The following TAF6L variants were observed in gnomAD, a reference collection of about 807,000 sequenced individuals.
The protein encoded by TAF6L is TAF6-like RNA polymerase II p300/CBP-associated factor-associated factor 65 kDa subunit 6L.
A neutral mutation model predicts 57.3 loss-of-function variants in TAF6L; 34 were observed. The observed-to-expected ratio is 0.59, with a 90% CI of 0.45 to 0.79. The LOEUF (loss-of-function observed/expected upper bound fraction) is 0.79. Ranked by LOEUF, TAF6L falls within the 30% of genes least tolerant of loss-of-function variation. The probability of loss-of-function intolerance (pLI) is 0.00; values close to 1 mark genes in which losing one functional copy is unlikely to be tolerated. For synonymous variants in TAF6L, 417 were observed against 376.3 expected, an observed-to-expected ratio of 1.11 and a Z score of -1.25; for missense variants, 782 against 853.2, an observed-to-expected ratio of 0.92 and a Z score of 1.04.
intron 6 of TAF6L, among the ~76,000 whole-genome samples, chr11:62,781,214 C>G (rs184704033): frequency 6.7e-6 from 1 of 148,868 alleles, no homozygotes; most frequent in African/African-American, 2.5e-5. Context: ...CCAGCCTGGG[C>G]GACAGGGCGA....
chr11:62,784,806 T>C (rs2084258222), intron 9 of TAF6L, among the ~76,000 whole-genome samples: 1 of 152,218 alleles, frequency 6.6e-6, no homozygotes, highest in Non-Finnish European at 1.5e-5. Flanking sequence ...AAAGCTTTTA[T>C]TGGACTGTAA....
chr11:62,783,372 C>T (rs959153171), intron 9 of TAF6L, among the ~76,000 whole-genome samples: 1 of 151,834 alleles, frequency 6.6e-6, no homozygotes, highest in African/African-American at 2.4e-5. Context: ...GTCCCAGCTA[C>T]TCGGGAGGCT....
rs549862357 is a variant in TAF6L, at chr11:62,776,601, A to G, written c.234+131A>G. Reference sequence around the variant, plus strand: ...CATGGTGGCTCATGCCTGTAATCCCAGCACTTTGGGAGGCCGAGGTGGGCG... The same window carrying G: ...CATGGTGGCTCATGCCTGTAATCCCGGCACTTTGGGAGGCCGAGGTGGGCG... On this transcript the variant is annotated intron_variant, in intron 3 of 10. Coordinates refer to ENST00000294168, the MANE Select transcript of TAF6L (RefSeq NM_006473.4). 37 of 887,322 alleles carry G rather than the reference A, an allele frequency of 4.2e-5. No homozygotes were observed. In the East Asian group the frequency reaches 1.1e-3, roughly 27 times the overall value. The allele number at this position is 887,322 out of a possible 1,614,324, so 55.0% of individuals were successfully genotyped here.
chr11:62,783,062 A>G (rs1037072581), intron 9 of TAF6L, among the ~76,000 whole-genome samples: 4 of 152,314 alleles, frequency 2.6e-5, no homozygotes, highest in Middle Eastern at 3.4e-3. Flanking sequence ...TGCCCGTTCT[A>G]TATTATCACA....
At chr11:62,781,835 C>T (rs888243462) in intron 6 of TAF6L, 59 bp from the exon 7 acceptor site, 27 of 1,389,470 alleles carry the variant, frequency 1.9e-5, no homozygotes, top group East Asian at 1.1e-4. Context: ...AGAAGAATAC[C>T]GCATTCATGT....
intron 5 of TAF6L, 165 bp from the exon 6 acceptor site, chr11:62,778,704 G>A: frequency 1.5e-6 from 1 of 657,064 alleles, no homozygotes; most frequent in Non-Finnish European, 2.7e-6. Context: ...AGCCTAGATG[G>A]TCAGGGCTGA....
intron 1 of TAF6L, among the ~76,000 whole-genome samples, chr11:62,773,034 G>A (rs2084160893): frequency 6.6e-6 from 1 of 150,472 alleles, no homozygotes; most frequent in South Asian, 2.1e-4. Context: ...GTAGAGACAG[G>A]GTTTCACCGT....
chr11:62,774,641 T>C, intron 1 of TAF6L: 1 of 455,204 alleles, frequency 2.2e-6, no homozygotes, highest in South Asian at 1.6e-5. Flanking sequence ...CTGCTGTTTT[T>C]GTCGGTTTCT....
intron 9 of TAF6L, among the ~76,000 whole-genome samples, chr11:62,785,768 C>G (rs2084268688): frequency 6.6e-6 from 1 of 151,046 alleles, no homozygotes; most frequent in Admixed American, 6.6e-5. Flanking sequence ...CTCCTGACCT[C>G]AGGTGATCCA....
chr11:62,786,416 T>C (rs1342910941), intron 10 of TAF6L, 28 bp downstream of exon 10: 21 of 1,607,222 alleles, frequency 1.3e-5, no homozygotes, highest in Non-Finnish European at 1.6e-5. Context: ...CCAGCCTCCC[T>C]TCCCTGCATG....
At chr11:62,779,036 T>G in intron 6 of TAF6L, 73 bp downstream of exon 6, 1 of 1,306,584 alleles carries the variant, frequency 7.7e-7, no homozygotes, top group African/African-American at 1.5e-5. Context: ...TTTTTTTTTT[T>G]TGAGACAGAG....
At chr11:62,775,062 CAAAAAAA>C (rs35218634) in intron 1 of TAF6L, among the ~76,000 whole-genome samples, 2 of 62,808 alleles carry the variant, frequency 3.2e-5, no homozygotes, top group Admixed American at 3.8e-4. Flanking sequence ...GACTCTGTCT[CAAAAAAA>C]AAAAAAAAAA....
In TAF6L at chr11:62,786,919, G is replaced by C; in HGVS notation, c.1492G>C (p.Gly498Arg). 1 of 1,494,268 alleles carries C rather than the reference G, an allele frequency of 6.7e-7. No homozygotes were observed. The highest frequency in any genetic ancestry group is 8.8e-7 in the Non-Finnish European group (1 of 1,131,052). 92.6% of individuals were successfully genotyped at this position (1,494,268 alleles called of 1,614,324 possible). The change falls in exon 11 of 11, where the codon GGC becomes CGC. Residue 498 changes from glycine to arginine, a missense_variant. Gly to Arg is a moderately radical substitution (Grantham distance 125). Around this residue, in one of 3 missense-constraint regions of TAF6L, gnomAD observed 483 missense variants for 445.1 expected, o/e 1.09. Transcript: ENST00000294168. ...GGCAAGCGCCATAGTCAGCCCGCAC[G>C]GCGACGAGAGCCCCCGGGGCAGCGG... Reference protein sequence around the residue: ...LTASAIVSPHGDESPRGSGGG... With the variant: ...LTASAIVSPHRDESPRGSGGG...
chr11:62,787,168 G>A lies in TAF6L; in HGVS notation c.1741G>A (p.Ala581Thr). Residue 581 changes from alanine to threonine, a missense_variant, in exon 11 of 11, where the codon GCC becomes ACC. Around this residue, in one of 3 missense-constraint regions of TAF6L, gnomAD observed 483 missense variants for 445.1 expected, o/e 1.09. Transcript: ENST00000294168. ...CTGCCGCGGGCGCCTTTTCCAGACTGCCTTCCCCGCGCCGTACGGGCCTAG... is the reference window on the plus strand; with the variant it reads ...CTGCCGCGGGCGCCTTTTCCAGACTACCTTCCCCGCGCCGTACGGGCCTAG... ...RRCRGRLFQT[A>T]FPAPYGPSPA... is the part of the protein sequence containing the mutation. The A allele has an allele frequency of 6.3e-7, 1 of 1,582,658 alleles. No individual in the cohort carries two copies. Among genetic ancestry groups the A allele is most frequent in the Non-Finnish European group, 8.5e-7 (1 of 1,173,506 alleles).
intron 6 of TAF6L, among the ~76,000 whole-genome samples, chr11:62,779,320 G>A (rs1213612599): frequency 6.6e-6 from 1 of 151,942 alleles, no homozygotes; most frequent in Non-Finnish European, 1.5e-5. Flanking sequence ...TTAGCCTCCC[G>A]AGTAGCTGGG....
At chr11:62,782,595 A>G (rs2084238504) in intron 8 of TAF6L, 98 bp from the exon 9 acceptor site, 3 of 1,506,196 alleles carry the variant, frequency 2.0e-6, no homozygotes, top group South Asian at 1.3e-5. Flanking sequence ...AGCACTCCCG[A>G]GTGTGCTGTA....
In TAF6L at chr11:62,778,013, C is replaced by CT; in HGVS notation, c.270_271insT (p.Met91TyrfsTer8). 1 of 1,614,188 alleles carries CT rather than the reference C, an allele frequency of 6.2e-7. No individual in the cohort carries two copies. Among genetic ancestry groups the CT allele is most frequent in the Non-Finnish European group, 8.5e-7 (1 of 1,180,032 alleles). On this transcript the variant is annotated frameshift_variant, in exon 4 of 11. Transcript: ENST00000294168. LOFTEE classifies it high-confidence loss of function. ...GTTACGGATCACAGGAGGCACTGCC[C>CT]ATGCGCCCCGCCAGGGAGGGTGAAC...
At chr11:62,783,629 G>A (rs896142793) in intron 9 of TAF6L, among the ~76,000 whole-genome samples, 4 of 151,436 alleles carry the variant, frequency 2.6e-5, no homozygotes, top group African/African-American at 9.7e-5. Flanking sequence ...CTCCCTCTTG[G>A]ATTTAAGCAA....
chr11:62,780,051 A>G (rs542106177), intron 6 of TAF6L, among the ~76,000 whole-genome samples: 4 of 144,030 alleles, frequency 2.8e-5, no homozygotes, highest in African/African-American at 1.0e-4. Context: ...CCCTCAAGCA[A>G]TCCTTCCTTG....
Sources: gnomAD v4.1 joint callset for allele counts (sites outside exome capture counted in the v4.1 genomes callset) on GRCh38, gnomAD v4.1.1 for gene constraint, gnomAD v4.1.1 regional missense constraint, MANE v1.5 for transcripts, NCBI Gene and HGNC (gene_info 2026-07-23, HGNC 2026-07-21) for gene names.